ROBO1: variants seen among roughly 807,000 people sequenced by gnomAD.
ROBO1 encodes roundabout homolog 1.
Under a neutral mutation model 195.9 loss-of-function variants are expected in ROBO1, and 149 were observed. The observed-to-expected ratio is 0.76, with a 90% CI of 0.67 to 0.87. The LOEUF (loss-of-function observed/expected upper bound fraction) is 0.87. Among genes scored for constraint, ROBO1 ranks in the 40% least tolerant of loss-of-function variants. The pLI is 0.00. For synonymous variants in ROBO1, 816 were observed against 733.2 expected (o/e 1.11, Z -1.82); for missense variants, 1,933 against 2,068.3 (o/e 0.93, Z 1.27).
At chr3:79,009,487 G>A (rs1171108194) in intron 3 of ROBO1, among the ~76,000 whole-genome samples, 4 of 152,128 alleles carry the variant, frequency 2.6e-5, no homozygotes, top group Non-Finnish European at 2.9e-5. Context: ...GAATTCAGCT[G>A]AGAAAACCCT....
intron 4 of ROBO1, among the ~76,000 whole-genome samples, chr3:78,762,402 C>A (rs1193415740): frequency 6.6e-6 from 1 of 151,988 alleles, no homozygotes; most frequent in Non-Finnish European, 1.5e-5. Context: ...ATTAAAAACA[C>A]ATTGTTGCTC....
intron 2 of ROBO1, among the ~76,000 whole-genome samples, chr3:79,546,952 C>T (rs538751993): frequency 1.3e-5 from 2 of 152,016 alleles, no homozygotes; most frequent in South Asian, 2.1e-4. Context: ...GAGGCCGAGG[C>T]GGGCGGATCA....
At chr3:78,947,050 T>C (rs1193325022) in intron 3 of ROBO1, among the ~76,000 whole-genome samples, 1 of 152,110 alleles carries the variant, frequency 6.6e-6, no homozygotes, top group East Asian at 1.9e-4. Flanking sequence ...ACAAAGAGAC[T>C]TAGACTCCCA....
intron 2 of ROBO1, among the ~76,000 whole-genome samples, chr3:79,228,761 C>G (rs1402310985): frequency 6.6e-6 from 1 of 152,026 alleles, no homozygotes; most frequent in Non-Finnish European, 1.5e-5. Flanking sequence ...TGAGATAAAA[C>G]CATATATCCT....
chr3:79,488,336 G>C (rs552797026), intron 2 of ROBO1, among the ~76,000 whole-genome samples: 2 of 152,006 alleles, frequency 1.3e-5, no homozygotes, highest in Non-Finnish European at 2.9e-5. Context: ...AATATCATCA[G>C]ATCATTTGAA....
At chr3:79,730,439 G>A (rs1703097063) in intron 1 of ROBO1, among the ~76,000 whole-genome samples, 1 of 151,874 alleles carries the variant, frequency 6.6e-6, no homozygotes, top group African/African-American at 2.4e-5. Flanking sequence ...CAAAATTAAT[G>A]TTTACTCATA....
At chr3:79,627,769 T>A (rs1006244499) in intron 1 of ROBO1, among the ~76,000 whole-genome samples, 9 of 152,028 alleles carry the variant, frequency 5.9e-5, no homozygotes, top group Non-Finnish European at 1.2e-4. Flanking sequence ...AGGTCTAATA[T>A]CCAGCATTTA....
intron 4 of ROBO1, among the ~76,000 whole-genome samples, chr3:78,924,437 G>A (rs1445971289): frequency 6.6e-6 from 1 of 151,938 alleles, no homozygotes; most frequent in African/African-American, 2.4e-5. Flanking sequence ...GGATTCCTTT[G>A]TTCATATTTT....
chr3:78,990,127 T>C (rs2077201683), intron 3 of ROBO1, among the ~76,000 whole-genome samples: 1 of 152,190 alleles, frequency 6.6e-6, no homozygotes, highest in Admixed American at 6.5e-5. Context: ...TTTTAAAATT[T>C]TTCCTAAGAA....
intron 10 of ROBO1, among the ~76,000 whole-genome samples, 160 bp downstream of exon 10, chr3:78,685,586 A>G (rs2081033343): frequency 6.6e-6 from 1 of 152,250 alleles, no homozygotes; most frequent in South Asian, 2.1e-4. Context: ...TTAGGTTAAA[A>G]TAAGAATAAT....
intron 3 of ROBO1, among the ~76,000 whole-genome samples, chr3:79,050,397 A>G (rs1032297178): frequency 6.6e-6 from 1 of 152,050 alleles, no homozygotes; most frequent in Non-Finnish European, 1.5e-5. Context: ...GATTCATAAC[A>G]CAAGTCCTTA....
intron 2 of ROBO1, among the ~76,000 whole-genome samples, chr3:79,459,994 T>C (rs994304145): frequency 6.6e-6 from 1 of 152,082 alleles, no homozygotes; most frequent in Non-Finnish European, 1.5e-5. Flanking sequence ...AAGTGATAAA[T>C]AATATGTAAG....
rs547382894 is a variant in ROBO1 at position 79,572,236 on chromosome 3, T to C, written c.88+17588A>G. 3.9e-5 allele frequency among the ~76,000 whole-genome samples: 6 copies of C among 152,160 alleles called. No individual in the cohort carries two copies. In the South Asian group the frequency reaches 1.2e-3, roughly 32 times the overall value. ...TAAAGACCTTTGTTAAATATATACA[T>C]TTGATACCTCAAAGAGAATAAATAT... is the stretch of plus-strand genomic sequence containing the variant. On this transcript the variant is annotated intron_variant, in intron 2 of 30. Transcript: ENST00000464233.
chr3:79,625,073 A>T (rs1945126207), intron 1 of ROBO1, among the ~76,000 whole-genome samples: 1 of 152,168 alleles, frequency 6.6e-6, no homozygotes, highest in Non-Finnish European at 1.5e-5. Flanking sequence ...TTATACGGAA[A>T]ATGAACAACC....
At chr3:78,607,136 G>A in intron 28 of ROBO1, 95 bp from the exon 29 acceptor site, 3 of 1,191,064 alleles carry the variant, frequency 2.5e-6, no homozygotes, top group Non-Finnish European at 3.5e-6. Context: ...TCACCTACGA[G>A]ATACTATATC....
At chr3:78,948,288 C>T (rs1246987051) in intron 3 of ROBO1, among the ~76,000 whole-genome samples, 1 of 152,164 alleles carries the variant, frequency 6.6e-6, no homozygotes, top group African/African-American at 2.4e-5. Flanking sequence ...AAACCAAATC[C>T]AGCAGCAAAT....
intron 3 of ROBO1, among the ~76,000 whole-genome samples, chr3:78,965,048 A>C (rs1358449914): frequency 6.6e-6 from 1 of 151,884 alleles, no homozygotes; most frequent in African/African-American, 2.4e-5. Context: ...AAACTCTAAA[A>C]ATTTTTATAA....
intron 1 of ROBO1, among the ~76,000 whole-genome samples, chr3:79,664,993 T>C (rs1212856857): frequency 6.6e-6 from 1 of 151,992 alleles, no homozygotes; most frequent in African/African-American, 2.4e-5. Flanking sequence ...TAATATTAGT[T>C]TGATTTTCTT....
chr3:79,686,348 A>C lies in ROBO1; in HGVS notation c.-51+81404T>G, dbSNP rs1459806599. ...CCCTCTCTCACCACTCCTATTCAAC[A>C]TAGTGTTGGAAGTTCTGGCCAGGGC... On this transcript the variant is annotated intron_variant, in intron 1 of 30. Transcript: ENST00000464233. Among the ~76,000 whole-genome samples the C allele has an allele frequency of 3.3e-5, 5 of 152,266 alleles. No individual in the cohort carries two copies. In the East Asian group the frequency reaches 7.7e-4, roughly 24 times the overall value.
Sources: allele counts gnomAD v4.1 joint callset (sites outside exome capture counted in the v4.1 genomes callset), GRCh38; gene constraint gnomAD v4.1.1; transcripts MANE v1.5; gene names NCBI Gene and HGNC (gene_info 2026-07-23, HGNC 2026-07-21).